PLCE1: variants seen among roughly 807,000 people sequenced by gnomAD.
PLCE1 encodes the protein phospholipase C epsilon 1.
PLCE1 carries 119 observed loss-of-function variants against 242.8 expected under a neutral mutation model. The ratio of observed to expected loss-of-function variants is 0.49; its 90% CI spans 0.42 to 0.57. PLCE1 has a LOEUF of 0.57. Among genes scored for constraint, PLCE1 ranks in the 20% least tolerant of loss-of-function variants. PLCE1 has a pLI of 0.00. For missense variants in PLCE1, 2,441 were observed against 2,788.8 expected (o/e 0.88, Z 2.81); for synonymous variants, 945 against 1,017.4 (o/e 0.93, Z 1.35).
intron 2 of PLCE1, chr10:94,088,969 C>T (rs1470865260): frequency 3.0e-6 from 3 of 995,914 alleles, no homozygotes; most frequent in African/African-American, 1.6e-5. Flanking sequence ...TGGATCGCAG[C>T]CCTCCCTCGA....
intron 9 of PLCE1, among the ~76,000 whole-genome samples, chr10:94,253,615 A>G (rs1407591417): frequency 6.6e-6 from 1 of 152,190 alleles, no homozygotes; most frequent in East Asian, 1.9e-4. Context: ...TCAGCCTCCC[A>G]AAGTGTTGGG....
At chr10:94,111,467 T>A in intron 2 of PLCE1, among the ~76,000 whole-genome samples, 1 of 152,174 alleles carries the variant, frequency 6.6e-6, no homozygotes, top group East Asian at 1.9e-4. Context: ...CTAAAGCTCC[T>A]TAAATTCCTC....
At chr10:94,174,918 T>C (rs1212602920) in intron 4 of PLCE1, among the ~76,000 whole-genome samples, 1 of 152,168 alleles carries the variant, frequency 6.6e-6, no homozygotes, top group African/African-American at 2.4e-5. Context: ...ATTGTATCAA[T>C]GTTAATTTCC....
chr10:94,033,039 C>T (rs1240454123), intron 2 of PLCE1, among the ~76,000 whole-genome samples: 1 of 151,840 alleles, frequency 6.6e-6, no homozygotes, highest in East Asian at 1.9e-4. Context: ...ACACTATTTA[C>T]ATAGTATAAG....
At chr10:94,240,449 G>A (rs1324248904) in intron 7 of PLCE1, among the ~76,000 whole-genome samples, 1 of 152,168 alleles carries the variant, frequency 6.6e-6, no homozygotes, top group Non-Finnish European at 1.5e-5. Flanking sequence ...CAAGGAAGGT[G>A]CTAGGTTAAT....
intron 2 of PLCE1, among the ~76,000 whole-genome samples, chr10:94,098,218 C>A (rs1021676923): frequency 1.3e-5 from 2 of 152,122 alleles, no homozygotes; most frequent in African/African-American, 2.4e-5. Flanking sequence ...CCATTCCTTC[C>A]TTTTTTAACA....
chr10:94,277,859 G>A (rs2133225107), intron 19 of PLCE1, among the ~76,000 whole-genome samples: 1 of 152,320 alleles, frequency 6.6e-6, no homozygotes, highest in South Asian at 2.1e-4. Context: ...ATGCCCTTTA[G>A]CGTATTAAAT....
intron 2 of PLCE1, among the ~76,000 whole-genome samples, chr10:94,054,411 C>T (rs1447062470): frequency 6.6e-6 from 1 of 152,160 alleles, no homozygotes; most frequent in Non-Finnish European, 1.5e-5. Context: ...TTAACAGAAC[C>T]TCCTGGGCAA....
At chr10:94,070,992 G>T (rs75228128) in intron 2 of PLCE1, among the ~76,000 whole-genome samples, 1 of 152,074 alleles carries the variant, frequency 6.6e-6, no homozygotes, top group Admixed American at 6.5e-5. Flanking sequence ...ATACCCAACC[G>T]CATGCTTAAT....
intron 2 of PLCE1, among the ~76,000 whole-genome samples, chr10:94,089,767 T>C (rs1168712605): frequency 6.6e-6 from 1 of 152,242 alleles, no homozygotes; most frequent in African/African-American, 2.4e-5. Flanking sequence ...TTCAGGATAC[T>C]CGCTTTTGAA....
At chr10:94,141,595 GGGAAGGC>G (rs1353244420) in intron 3 of PLCE1, among the ~76,000 whole-genome samples, 215 of 6,222 alleles carry the variant, frequency 0.035, 8 homozygotes, top group African/African-American at 0.14. Flanking sequence ...GGAAGGCTAA[GGGAAGGC>G]AAAGGGAAGG....
At chr10:94,319,098 T>C (rs2053681724) in intron 29 of PLCE1, among the ~76,000 whole-genome samples, 1 of 152,090 alleles carries the variant, frequency 6.6e-6, no homozygotes, top group African/African-American at 2.4e-5. Flanking sequence ...CTCAGGAATA[T>C]GCTTCCAAAA....
rs1242630242 is a variant in PLCE1 at position 94,255,908 on chromosome 10, ACACACACT to A, written c.3554+861_3554+868del. Among the ~76,000 whole-genome samples, 11 of 96,272 alleles carry A rather than the reference ACACACACT, an allele frequency of 1.1e-4. No individual in the cohort carries two copies. In the East Asian group the frequency reaches 1.9e-3, roughly 17 times the overall value. 63.2% of individuals were successfully genotyped at this position (96,272 alleles called of 152,430 possible). ...CACACACACACACACACACACACAC[ACACACACT>A]CTCTCTCTCTCTCTCTCTCTCTCTC... On this transcript the variant is annotated intron_variant, in intron 11 of 32. Transcript: ENST00000371380.
intron 4 of PLCE1, among the ~76,000 whole-genome samples, chr10:94,207,462 G>T (rs1197311836): frequency 6.6e-6 from 1 of 151,626 alleles, no homozygotes; most frequent in Non-Finnish European, 1.5e-5. Context: ...GTTTCATTAT[G>T]AATGTAGGCT....
intron 2 of PLCE1, among the ~76,000 whole-genome samples, chr10:94,103,928 A>G (rs1015757080): frequency 1.3e-5 from 2 of 152,230 alleles, no homozygotes; most frequent in Admixed American, 1.3e-4. Flanking sequence ...TTTTAAAGAG[A>G]AATGTCATTT....
intron 19 of PLCE1, among the ~76,000 whole-genome samples, chr10:94,278,270 T>C (rs1310532227): frequency 6.6e-6 from 1 of 151,954 alleles, no homozygotes; most frequent in Non-Finnish European, 1.5e-5. Flanking sequence ...ATTTAGGGAG[T>C]CTACGAATAT....
chr10:94,063,402 A>G (rs2044114689), intron 2 of PLCE1, among the ~76,000 whole-genome samples: 1 of 152,186 alleles, frequency 6.6e-6, no homozygotes, highest in Non-Finnish European at 1.5e-5. Context: ...GCATTGCCAC[A>G]TCTCGTTTCC....
chr10:94,052,004 A>G (rs1027281190), intron 2 of PLCE1, among the ~76,000 whole-genome samples: 4 of 152,208 alleles, frequency 2.6e-5, no homozygotes, highest in African/African-American at 9.6e-5. Flanking sequence ...AATTCTGTCT[A>G]GGTTTTCAGC....
intron 4 of PLCE1, among the ~76,000 whole-genome samples, chr10:94,224,010 C>T (rs887538141): frequency 1.3e-5 from 2 of 152,062 alleles, no homozygotes; most frequent in Non-Finnish European, 2.9e-5. Context: ...AGCGGTGGCC[C>T]TCTCACCATT....
Sources: allele counts gnomAD v4.1 joint callset (sites outside exome capture counted in the v4.1 genomes callset), GRCh38; gene constraint gnomAD v4.1.1; transcripts MANE v1.5; gene names NCBI Gene and HGNC (gene_info 2026-07-23, HGNC 2026-07-21).